DHCR24: variants seen among roughly 807,000 people sequenced by gnomAD.
DHCR24 encodes 24-dehydrocholesterol reductase.
A neutral mutation model predicts 61.2 loss-of-function variants in DHCR24; 28 were observed. The ratio of observed to expected loss-of-function variants is 0.46; its 90% CI spans 0.34 to 0.63. The LOEUF is 0.63. Among genes scored for constraint, DHCR24 ranks in the 20% least tolerant of loss-of-function variants. The pLI is 0.01. For missense variants in DHCR24, 538 were observed against 679.1 expected (o/e 0.79, Z 2.31); for synonymous variants, 261 against 275.9 (o/e 0.95, Z 0.54).
chr1:54,860,821 T>C (rs1055700204), intron 6 of DHCR24, among the ~76,000 whole-genome samples: 1 of 151,662 alleles, frequency 6.6e-6, no homozygotes, highest in Non-Finnish European at 1.5e-5. Context: ...CCGTCTCTGC[T>C]AAAAATACAA....
At chr1:54,882,629 T>A (rs535559287) in intron 2 of DHCR24, among the ~76,000 whole-genome samples, 53 of 152,152 alleles carry the variant, frequency 3.5e-4, no homozygotes, top group African/African-American at 1.2e-3. Context: ...CTGTGATACA[T>A]CCACACAATA....
At chr1:54,866,694 C>T (rs961038529) in intron 5 of DHCR24, among the ~76,000 whole-genome samples, 1 of 152,206 alleles carries the variant, frequency 6.6e-6, no homozygotes, top group Non-Finnish European at 1.5e-5. Flanking sequence ...AACCCTTTGC[C>T]GTGGATCTCT....
chr1:54,875,292 T>A (rs1647020864), intron 3 of DHCR24, 81 bp from the exon 4 acceptor site: 1 of 1,229,892 alleles, frequency 8.1e-7, no homozygotes, highest in Non-Finnish European at 1.2e-6. Flanking sequence ...GGGGGCCTCC[T>A]AGCATGAGGG....
At chr1:54,885,736 T>C (rs1647089736) in intron 1 of DHCR24, among the ~76,000 whole-genome samples, 1 of 152,126 alleles carries the variant, frequency 6.6e-6, no homozygotes, top group African/African-American at 2.4e-5. Context: ...AGCCAGGCCC[T>C]ATGGGCCACA....
chr1:54,869,060 TTG>T (rs1646982929), intron 5 of DHCR24, among the ~76,000 whole-genome samples: 1 of 152,098 alleles, frequency 6.6e-6, no homozygotes, highest in Admixed American at 6.6e-5. Context: ...GAGTGAGACC[TTG>T]TCTCAAAACA....
Position 54,849,678 on chromosome 1 carries a change from T to C in DHCR24, c.*2555A>G, listed in dbSNP as rs657688. Reference sequence around the variant, plus strand: ...AACAGAAGCAGCGGCCCCACAGCCATGGGGACATGTCTTCCAGACAGTAGA... The same window carrying C: ...AACAGAAGCAGCGGCCCCACAGCCACGGGGACATGTCTTCCAGACAGTAGA... On this transcript the variant is annotated 3_prime_UTR_variant, in exon 9 of 9. Transcript: ENST00000371269. 1 allele frequency: 152,658 copies of C among 152,746 alleles called. 76,285 individuals carry two copies. Among genetic ancestry groups the C allele is most frequent in the Middle Eastern group, 1 (294 of 294 alleles). The allele number at this position is 152,746 out of a possible 1,614,324, so 9.5% of individuals were successfully genotyped here.
chr1:54,857,270 G>A (rs1390617106), intron 6 of DHCR24, among the ~76,000 whole-genome samples: 1 of 152,192 alleles, frequency 6.6e-6, no homozygotes, highest in Non-Finnish European at 1.5e-5. Flanking sequence ...TTGTTCTCTG[G>A]CCATCCTTGC....
chr1:54,879,130 C>A (rs1400155990), intron 2 of DHCR24, among the ~76,000 whole-genome samples: 3 of 151,996 alleles, frequency 2.0e-5, no homozygotes, highest in Non-Finnish European at 4.4e-5. Flanking sequence ...ACCAGCCTAG[C>A]CAACATGGCG....
At chr1:54,873,599 C>T (rs35786633) in intron 4 of DHCR24, among the ~76,000 whole-genome samples, 40,635 of 152,072 alleles carry the variant, frequency 0.27, 5,673 homozygotes, top group East Asian at 0.39. Flanking sequence ...GAAGTGGAAG[C>T]GTTATTGATA....
At position 54,855,832 on chromosome 1, in the gene DHCR24, T is replaced by G. The variant is rs112404889; in HGVS notation, c.1021-1598A>C. ...TGGTTACCTTTGGAAGACCTACACA[T>G]GCCCACAGCAGAAATCCCCATAGTA... On this transcript the variant is annotated intron_variant, in intron 6 of 8. Transcript: ENST00000371269. Among the ~76,000 whole-genome samples, 501 of 152,240 alleles carry G rather than the reference T, an allele frequency of 3.3e-3. 5 individuals carry two copies. Among genetic ancestry groups the G allele is most frequent in the African/African-American group, 9.7e-3 (403 of 41,552 alleles).
intron 2 of DHCR24, among the ~76,000 whole-genome samples, chr1:54,879,140 G>A (rs1318039818): frequency 1.3e-5 from 2 of 151,926 alleles, no homozygotes; most frequent in Non-Finnish European, 2.9e-5. Flanking sequence ...CCAACATGGC[G>A]AAACTCCGTC....
At chr1:54,878,374 C>T (rs770044329) in intron 2 of DHCR24, among the ~76,000 whole-genome samples, 2 of 151,016 alleles carry the variant, frequency 1.3e-5, no homozygotes, top group African/African-American at 4.9e-5. Context: ...ATTAGCTGGG[C>T]GTGGTGGTGG....
chr1:54,862,692 G>A (rs991994787), intron 6 of DHCR24, among the ~76,000 whole-genome samples: 10 of 152,104 alleles, frequency 6.6e-5, no homozygotes, highest in African/African-American at 2.2e-4. Flanking sequence ...CTGAAGTCCC[G>A]ACACACGTCA....
At chr1:54,860,148 C>A (rs940298307) in intron 6 of DHCR24, among the ~76,000 whole-genome samples, 1 of 152,228 alleles carries the variant, frequency 6.6e-6, no homozygotes, top group Non-Finnish European at 1.5e-5. Flanking sequence ...TGACCAATCA[C>A]CCTCTCCTAG....
chr1:54,853,807 C>T lies in DHCR24; in HGVS notation c.1219-195G>A, dbSNP rs528657742. On this transcript the variant is annotated intron_variant, in intron 7 of 8. Transcript: ENST00000371269. ...ACTCCACCACCTTGGAGGACACAAT[C>T]GGAGCAGGTCATGGGAGTGCTCGAT... Among the ~76,000 whole-genome samples, 9 of 152,246 alleles carry T rather than the reference C, an allele frequency of 5.9e-5. No individual in the cohort carries two copies. In the South Asian group the frequency reaches 1.7e-3, roughly 28 times the overall value.
At chr1:54,884,267 T>C (rs1647080594) in intron 1 of DHCR24, among the ~76,000 whole-genome samples, 1 of 152,142 alleles carries the variant, frequency 6.6e-6, no homozygotes, top group African/African-American at 2.4e-5. Flanking sequence ...AGAGCTGAGA[T>C]TCATAGCCAG....
rs58945175 is a variant in DHCR24 at position 54,879,322 on chromosome 1, G to GAA, written c.388-3277_388-3276dup. ...TGGAGGACAGAGCAAGACTCCATCT[G>GAA]AAAAAAAAAAAAAAAAAAAAAAAAA... On this transcript the variant is annotated intron_variant, in intron 2 of 8. Transcript: ENST00000371269. Among the ~76,000 whole-genome samples, 152 of 108,472 alleles carry GAA rather than the reference G, an allele frequency of 1.4e-3. 2 individuals are homozygous for GAA. Among genetic ancestry groups the GAA allele is most frequent in the African/African-American group, 5.0e-3 (129 of 25,824 alleles). 71.2% of individuals were successfully genotyped at this position (108,472 alleles called of 152,430 possible). A position where few individuals can be genotyped will look rare whatever the true frequency, so the allele number is the denominator to read the frequency against.
chr1:54,858,022 G>T (rs1570182015), intron 6 of DHCR24, among the ~76,000 whole-genome samples: 2 of 152,218 alleles, frequency 1.3e-5, no homozygotes, highest in African/African-American at 4.8e-5. Context: ...GGCCGCCAAT[G>T]GGAGGAGAAG....
At chr1:54,879,823 CAT>C (rs1305338628) in intron 2 of DHCR24, among the ~76,000 whole-genome samples, 1 of 151,734 alleles carries the variant, frequency 6.6e-6, no homozygotes, top group African/African-American at 2.4e-5. Context: ...AAAAAGAAAA[CAT>C]ATAGAAATTT....
Sources: gnomAD v4.1 joint callset for allele counts (sites outside exome capture counted in the v4.1 genomes callset) on GRCh38, gnomAD v4.1.1 for gene constraint, MANE v1.5 for transcripts, NCBI Gene and HGNC (gene_info 2026-07-23, HGNC 2026-07-21) for gene names.